Variants in RCSD1 observed in about 807,000 individuals in gnomAD.
The protein encoded by RCSD1 is RCSD domain containing 1.
In RCSD1, 26 loss-of-function variants were observed where a neutral mutation model predicts 42.5. The observed-to-expected ratio is 0.61, with a 90% CI of 0.45 to 0.85. RCSD1 has a LOEUF of 0.85. Among genes scored for constraint, RCSD1 ranks in the 40% least tolerant of loss-of-function variants. The pLI is 0.00. For missense variants in RCSD1, 571 were observed against 528.3 expected, an observed-to-expected ratio of 1.08 and a Z score of -0.79; for synonymous variants, 220 against 212.2, an observed-to-expected ratio of 1.04 and a Z score of -0.32.
intron 5 of RCSD1, among the ~76,000 whole-genome samples, chr1:167,695,538 A>ATT (rs34867466): frequency 9.2e-5 from 13 of 141,084 alleles, no homozygotes; most frequent in African/African-American, 3.4e-4. Context: ...TTACACACTA[A>ATT]TTTTTTTTTT....
chr1:167,641,052 C>T (rs1657992051), intron 1 of RCSD1, among the ~76,000 whole-genome samples: 1 of 152,216 alleles, frequency 6.6e-6, no homozygotes, highest in Non-Finnish European at 1.5e-5. Flanking sequence ...TGTTGTGTGA[C>T]TAATTTCCTG....
At chr1:167,699,940 C>T (rs1444317292) in intron 6 of RCSD1, among the ~76,000 whole-genome samples, 3 of 152,182 alleles carry the variant, frequency 2.0e-5, no homozygotes, top group South Asian at 2.1e-4. Flanking sequence ...GACCTCCCTC[C>T]ATCCCATCAG....
chr1:167,680,969 A>G (rs61532428), intron 1 of RCSD1, among the ~76,000 whole-genome samples: 6,889 of 152,284 alleles, frequency 0.045, 310 homozygotes, highest in African/African-American at 0.12. Context: ...CTCCTGGCCC[A>G]TGGCTGAGGT....
At chr1:167,646,517 CTT>C (rs1658151767) in intron 1 of RCSD1, among the ~76,000 whole-genome samples, 1 of 141,690 alleles carries the variant, frequency 7.1e-6, no homozygotes, top group African/African-American at 2.6e-5. Flanking sequence ...TTTTCTTTTT[CTT>C]TTTCTTTTTC....
chr1:167,646,233 G>A lies in RCSD1; in HGVS notation c.6+15804G>A, dbSNP rs1164140612. On this transcript the variant is annotated intron_variant, in intron 1 of 6. Transcript: ENST00000367854. ...AGGACACCCTGTTGGAAATTCAGAA[G>A]TGGAGTTTGGAGGGCTTTGGGCCAA... is the stretch of plus-strand genomic sequence containing the variant. Among the ~76,000 whole-genome samples the A allele has an allele frequency of 2.6e-5, 4 of 152,170 alleles. No homozygotes were observed. The East Asian group carries it at 7.7e-4, about 29-fold the overall frequency.
At chr1:167,689,800 C>A (rs188338264) in intron 3 of RCSD1, among the ~76,000 whole-genome samples, 1 of 152,230 alleles carries the variant, frequency 6.6e-6, no homozygotes, top group East Asian at 1.9e-4. Flanking sequence ...TGGGAGAGAC[C>A]TTCTGTGTTA....
intron 1 of RCSD1, among the ~76,000 whole-genome samples, chr1:167,662,405 CTCTT>C (rs1157789025): frequency 6.6e-6 from 1 of 152,130 alleles, no homozygotes; most frequent in Admixed American, 6.5e-5. Flanking sequence ...TGCTGTCTCT[CTCTT>C]TCTCTCTTTC....
intron 1 of RCSD1, among the ~76,000 whole-genome samples, chr1:167,680,602 T>TCCTGAGGAGGCTGGGA (rs1318905215): frequency 6.6e-6 from 1 of 152,088 alleles, no homozygotes; most frequent in African/African-American, 2.4e-5. Context: ...CTCCTCAGCC[T>TCCTGAGGAGGCTGGGA]CCTGAGTAGC....
intron 6 of RCSD1, among the ~76,000 whole-genome samples, chr1:167,698,754 TGC>T (rs1177489354): frequency 6.6e-6 from 1 of 152,074 alleles, no homozygotes; most frequent in East Asian, 1.9e-4. Context: ...ATCAGCTTCC[TGC>T]TACAGTAGCC....
chr1:167,697,799 C>T lies in RCSD1; in HGVS notation c.1175C>T (p.Thr392Ile). ...CAGACCGGCCCTGCCCAGCTGGAGA[C>T]CAGCAGTGAGGTCCAGAGCGAGCCA... ...SPQTGPAQLE[T>I]SSEVQSEPAV... Residue 392 changes from threonine to isoleucine, a missense_variant, in exon 6 of 7, where the codon ACC (threonine) becomes ATC (isoleucine). Thr to Ile is a moderately conservative substitution (Grantham distance 89). Coordinates refer to ENST00000367854, the MANE Select transcript of RCSD1 (RefSeq NM_052862.4). The T allele has an allele frequency of 6.8e-7, 1 of 1,480,478 alleles. No individual in the cohort carries two copies. The highest frequency in any genetic ancestry group is 9.0e-7 in the Non-Finnish European group (1 of 1,116,896). 91.7% of individuals were successfully genotyped at this position (1,480,478 alleles called of 1,614,324 possible). A position where few individuals can be genotyped will look rare whatever the true frequency, so the allele number is the denominator to read the frequency against.
chr1:167,688,581 G>A (rs550373149), intron 3 of RCSD1, among the ~76,000 whole-genome samples: 8 of 152,296 alleles, frequency 5.3e-5, no homozygotes, highest in East Asian at 3.9e-4. Context: ...CAAGGGCTTC[G>A]TCTGGCTCCT....
chr1:167,656,665 GACAGGACGCCTTCC>G (rs1391491543), intron 1 of RCSD1, among the ~76,000 whole-genome samples: 2 of 152,200 alleles, frequency 1.3e-5, no homozygotes, highest in Non-Finnish European at 2.9e-5. Flanking sequence ...ATGGGGACAG[GACAGGACGCCTTCC>G]ACATAGTCAT....
rs1287171749 is a variant in RCSD1 at position 167,694,163 on chromosome 1, A to G, written c.335A>G (p.Lys112Arg). 1 of 1,614,210 alleles carries G rather than the reference A, an allele frequency of 6.2e-7. No individual in the cohort carries two copies. The highest frequency in any genetic ancestry group is 8.5e-7 in the Non-Finnish European group (1 of 1,180,040). The change falls in exon 5 of 7, where the codon AAG becomes AGG. Residue 112 changes from lysine (K) to arginine (R), a missense_variant. By Grantham distance (26) the Lys-to-Arg change is conservative (BLOSUM62 2). Coordinates refer to ENST00000367854, the MANE Select transcript of RCSD1 (RefSeq NM_052862.4). ...PGASPKSPGL[K>R]AMVSPFHSPP... The stretch of plus-strand genomic sequence containing the variant: ...GCCTCACCCAAGAGTCCTGGACTCA[A>G]GGCTATGGTGTCGCCATTTCACAGC...
chr1:167,678,671 A>G (rs543516699), intron 1 of RCSD1, among the ~76,000 whole-genome samples: 1 of 152,220 alleles, frequency 6.6e-6, no homozygotes, highest in South Asian at 2.1e-4. Flanking sequence ...TGCGCGACTC[A>G]GGTCACGTCC....
At chr1:167,698,162 C>A (rs1659547898) in intron 6 of RCSD1, among the ~76,000 whole-genome samples, 1 of 152,200 alleles carries the variant, frequency 6.6e-6, no homozygotes, top group Admixed American at 6.5e-5. Flanking sequence ...TCTATGGAAG[C>A]CTGCTGAGTG....
At chr1:167,664,304 C>T (rs570226958) in intron 1 of RCSD1, 1 of 152,380 alleles carries the variant, frequency 6.6e-6, no homozygotes, top group African/African-American at 2.4e-5. Flanking sequence ...CAGCAGCTAC[C>T]AGAGGCTGCC....
At chr1:167,668,377 C>T in intron 1 of RCSD1, among the ~76,000 whole-genome samples, 1 of 152,000 alleles carries the variant, frequency 6.6e-6, no homozygotes, top group Non-Finnish European at 1.5e-5. Flanking sequence ...TTTGTGTAAA[C>T]TCTACTCAAA....
intron 2 of RCSD1, among the ~76,000 whole-genome samples, chr1:167,684,309 G>A (rs1470600086): frequency 1.3e-5 from 2 of 152,196 alleles, no homozygotes; most frequent in Non-Finnish European, 2.9e-5. Flanking sequence ...TCACACAGCT[G>A]TGCCAGGCCT....
At chr1:167,698,808 TTTTTG>T (rs1277332084) in intron 6 of RCSD1, among the ~76,000 whole-genome samples, 11 of 123,784 alleles carry the variant, frequency 8.9e-5, no homozygotes, top group East Asian at 2.0e-4. Context: ...TTTGTTTTTG[TTTTTG>T]TTTTGAGAAG....
Sources: gnomAD v4.1 joint callset for allele counts (sites outside exome capture counted in the v4.1 genomes callset) on GRCh38, gnomAD v4.1.1 for gene constraint, MANE v1.5 for transcripts, NCBI Gene and HGNC (gene_info 2026-07-23, HGNC 2026-07-21) for gene names.